The following TNR variants were observed in gnomAD, a reference collection of about 807,000 sequenced individuals.
TNR encodes tenascin-R.
In TNR, 45 loss-of-function variants were observed where a neutral mutation model predicts 150.4. The ratio of observed to expected loss-of-function variants is 0.30; its 90% CI spans 0.24 to 0.38. The LOEUF is 0.38. Among genes scored for constraint, TNR ranks in the 10% least tolerant of loss-of-function variants. The probability of loss-of-function intolerance (pLI) is 1.00; values close to 1 mark genes in which losing one functional copy is unlikely to be tolerated. For synonymous variants in TNR, 687 were observed against 678.4 expected, an observed-to-expected ratio of 1.01 and a Z score of -0.20; for missense variants, 1,544 against 1,759.1, an observed-to-expected ratio of 0.88 and a Z score of 2.19.
At chr1:175,518,930 C>A (rs1171065238) in intron 2 of TNR, among the ~76,000 whole-genome samples, 1 of 152,182 alleles carries the variant, frequency 6.6e-6, no homozygotes, top group African/African-American at 2.4e-5. Flanking sequence ...AGAACCTGGC[C>A]ACCTTTGATA....
rs141865972 is a variant in TNR, at chr1:175,627,834, G to C, written c.-164-99465C>G. Reference sequence around the variant, plus strand: ...CTATTGGAGAGAGCTCAAGAGAGCTGTCTTGGAGGAAGCTGCAAATTTCTA... The same window carrying C: ...CTATTGGAGAGAGCTCAAGAGAGCTCTCTTGGAGGAAGCTGCAAATTTCTA... On this transcript the variant is annotated intron_variant, in intron 1 of 22. Transcript: ENST00000367674. Among the ~76,000 whole-genome samples the C allele has an allele frequency of 3.0e-4, 46 of 152,336 alleles. No individual in the cohort carries two copies. The East Asian group carries it at 8.5e-3, about 28-fold the overall frequency.
rs911633776 is a variant in TNR at position 175,538,283 on chromosome 1, G to A, written c.-164-9914C>T. ...GTGACTACAAGGCCACTGTCTTTTC[G>A]GCTACAATGGTTTGAGTAGAGTCTC... On this transcript the variant is annotated intron_variant, in intron 1 of 22. Coordinates refer to ENST00000367674, the MANE Select transcript of TNR (RefSeq NM_003285.3). 9.2e-5 allele frequency among the ~76,000 whole-genome samples: 14 copies of A among 152,182 alleles called. No homozygotes were observed. The East Asian group carries it at 1.5e-3, about 17-fold the overall frequency.
At chr1:175,331,183 TTCC>T (rs1241318014) in intron 20 of TNR, among the ~76,000 whole-genome samples, 6 of 58,460 alleles carry the variant, frequency 1.0e-4, no homozygotes, top group Admixed American at 2.4e-4. Context: ...CCTTCCTTCC[TTCC>T]TTCCTTCCTT....
At chr1:175,341,650 CT>C (rs1290867572) in intron 18 of TNR, among the ~76,000 whole-genome samples, 6 of 152,292 alleles carry the variant, frequency 3.9e-5, no homozygotes, top group Admixed American at 2.0e-4. Flanking sequence ...TTGGGTGTTC[CT>C]TTAAAATGAT....
At chr1:175,353,851 A>ATTTTTT (rs55981326) in intron 18 of TNR, among the ~76,000 whole-genome samples, 590 of 146,188 alleles carry the variant, frequency 4.0e-3, no homozygotes, top group African/African-American at 0.011. Context: ...ATTTTTATTT[A>ATTTTTT]TTTTTTTTTT....
chr1:175,580,478 A>G (rs73048402), intron 1 of TNR, among the ~76,000 whole-genome samples: 217 of 152,344 alleles, frequency 1.4e-3, no homozygotes, highest in African/African-American at 4.7e-3. Context: ...TGCTCAAAAT[A>G]TCCTTTGAAC....
chr1:175,363,149 A>C (rs1199869451), intron 13 of TNR, among the ~76,000 whole-genome samples: 1 of 152,200 alleles, frequency 6.6e-6, no homozygotes, highest in Non-Finnish European at 1.5e-5. Flanking sequence ...TGTAGTCTGG[A>C]ATGCTGTCCT....
chr1:175,422,170 G>A (rs947591721), intron 2 of TNR, among the ~76,000 whole-genome samples: 1 of 152,182 alleles, frequency 6.6e-6, no homozygotes, highest in African/African-American at 2.4e-5. Flanking sequence ...GCAGTTGATT[G>A]GGAAGTCTTC....
chr1:175,654,402 G>T (rs907355771), intron 1 of TNR, among the ~76,000 whole-genome samples: 1 of 152,148 alleles, frequency 6.6e-6, no homozygotes, highest in Admixed American at 6.5e-5. Flanking sequence ...GGATTTTGTG[G>T]TCTATATAAA....
At chr1:175,418,480 T>G (rs1448170686) in intron 2 of TNR, among the ~76,000 whole-genome samples, 5 of 152,066 alleles carry the variant, frequency 3.3e-5, no homozygotes, top group African/African-American at 4.8e-5. Flanking sequence ...TCCCAACATT[T>G]TGGGAGGCCA....
intron 1 of TNR, among the ~76,000 whole-genome samples, chr1:175,574,247 C>T (rs771453972): frequency 2.6e-5 from 4 of 152,198 alleles, no homozygotes; most frequent in African/African-American, 7.2e-5. Flanking sequence ...GTCCAGTTCT[C>T]GCATTCCCAA....
chr1:175,647,435 C>CAAAAAAAAAAAAAAAAAAAAAAAAAAAAA (rs397745737), intron 1 of TNR, among the ~76,000 whole-genome samples: 9 of 121,662 alleles, frequency 7.4e-5, no homozygotes, highest in African/African-American at 2.4e-4. Context: ...CTATTCGGTG[C>CAAAAAAAAAAAAAAAAAAAAAAAAAAAAA]AAAAAAAAAA....
chr1:175,711,645 G>A (rs905879699), intron 1 of TNR, among the ~76,000 whole-genome samples: 1 of 152,200 alleles, frequency 6.6e-6, no homozygotes, highest in African/African-American at 2.4e-5. Flanking sequence ...CCCAGGCAGA[G>A]GACTGTGGCC....
At chr1:175,398,652 G>A (rs1653553588) in intron 4 of TNR, among the ~76,000 whole-genome samples, 1 of 152,130 alleles carries the variant, frequency 6.6e-6, no homozygotes, top group Non-Finnish European at 1.5e-5. Context: ...CCAACACCAT[G>A]GGATTAAGGT....
At chr1:175,374,491 AGT>A (rs1557893145) in intron 9 of TNR, among the ~76,000 whole-genome samples, 2 of 151,912 alleles carry the variant, frequency 1.3e-5, no homozygotes, top group Non-Finnish European at 2.9e-5. Context: ...TGTGCATGTG[AGT>A]GTGCATATGT....
chr1:175,509,452 G>A (rs1659080916), intron 2 of TNR, among the ~76,000 whole-genome samples: 1 of 152,054 alleles, frequency 6.6e-6, no homozygotes, highest in African/African-American at 2.4e-5. Context: ...TTTTTCTCCT[G>A]CCTCCTGATT....
chr1:175,415,227 G>A (rs372845035), intron 2 of TNR, among the ~76,000 whole-genome samples: 1 of 152,106 alleles, frequency 6.6e-6, no homozygotes, highest in African/African-American at 2.4e-5. Flanking sequence ...GGAGAAAGAG[G>A]GTAATTATGA....
At chr1:175,652,160 T>G (rs376903644) in intron 1 of TNR, among the ~76,000 whole-genome samples, 3 of 147,928 alleles carry the variant, frequency 2.0e-5, no homozygotes, top group Non-Finnish European at 4.5e-5. Context: ...TAATATATTA[T>G]GTATATAATA....
At chr1:175,331,143 C>CTCTCTCT (rs869148221) in intron 20 of TNR, among the ~76,000 whole-genome samples, 2 of 129,092 alleles carry the variant, frequency 1.5e-5, no homozygotes, top group Non-Finnish European at 1.7e-5. Context: ...TTCTTTCTTT[C>CTCTCTCT]TTCCTTTCTT....
Sources: gnomAD v4.1 joint callset for allele counts (sites outside exome capture counted in the v4.1 genomes callset) on GRCh38, gnomAD v4.1.1 for gene constraint, MANE v1.5 for transcripts, NCBI Gene and HGNC (gene_info 2026-07-23, HGNC 2026-07-21) for gene names.